NUP93: variants seen among roughly 807,000 people sequenced by gnomAD.
NUP93 encodes nuclear pore complex protein Nup93.
In NUP93, 55 loss-of-function variants were observed where a neutral mutation model predicts 107.8. The ratio of observed to expected loss-of-function variants is 0.51; its 90% CI spans 0.41 to 0.64. The LOEUF (loss-of-function observed/expected upper bound fraction) is 0.64, where lower values mean the gene tolerates loss of function less well. NUP93 is among the 30% of genes least tolerant of loss of function. The pLI, the probability that NUP93 is intolerant of heterozygous loss-of-function variation, is 0.00. For missense variants in NUP93, 937 were observed against 1,044.7 expected (o/e 0.90, Z 1.42); for synonymous variants, 390 against 397.5 (o/e 0.98, Z 0.22).
intron 3 of NUP93, among the ~76,000 whole-genome samples, chr16:56,785,471 C>T (rs948309732): frequency 2.0e-5 from 3 of 152,134 alleles, no homozygotes; most frequent in Non-Finnish European, 4.4e-5. Flanking sequence ...TCAGTTTTCT[C>T]ATGAAATTTT....
chr16:56,792,091 G>A (rs892402752), intron 3 of NUP93, among the ~76,000 whole-genome samples: 1 of 152,178 alleles, frequency 6.6e-6, no homozygotes, highest in Admixed American at 6.5e-5. Context: ...TAGGTGGGAG[G>A]ATCACTTGAG....
Position 56,850,012 on chromosome 16 carries a change from A to G in NUP93, c.*5403A>G, listed in dbSNP as rs735144. 64,097 of 152,116 alleles carry G rather than the reference A, an allele frequency of 0.42. 13,697 individuals carry two copies. The highest frequency in any genetic ancestry group is 0.62 in the East Asian group (3,185 of 5,176). The allele number at this position is 152,116 out of a possible 1,614,324, so 9.4% of individuals were successfully genotyped here. Reference sequence around the variant, plus strand: ...TAGAAAGAAAGGAAAGAGCCAAAGTACAGCCTTTTCTCACTTGATCAGTAA... The same window carrying G: ...TAGAAAGAAAGGAAAGAGCCAAAGTGCAGCCTTTTCTCACTTGATCAGTAA... On this transcript the variant is annotated 3_prime_UTR_variant, in exon 22 of 22. Coordinates refer to ENST00000308159, the MANE Select transcript of NUP93 (RefSeq NM_014669.5).
intron 3 of NUP93, among the ~76,000 whole-genome samples, chr16:56,760,340 C>T (rs907514874): frequency 5.3e-5 from 8 of 152,088 alleles, no homozygotes; most frequent in Admixed American, 1.3e-4. Context: ...CCAGCCTGGA[C>T]GACATAGTGA....
intron 3 of NUP93, among the ~76,000 whole-genome samples, chr16:56,772,960 T>C (rs561585533): frequency 1.3e-5 from 2 of 152,186 alleles, no homozygotes; most frequent in Non-Finnish European, 2.9e-5. Context: ...GAAGGTTAAG[T>C]TGATCACCAG....
At position 56,847,736 on chromosome 16, in the gene NUP93, C is replaced by T. The variant is rs1004187956; in HGVS notation, c.*3127C>T. ...CCACGGCAGATGCCTTCCTTTTTCA[C>T]TCACGAGCTGGGCGGGCTCATCAAA... On this transcript the variant is annotated 3_prime_UTR_variant, in exon 22 of 22. Transcript: ENST00000308159. 6 of 152,178 alleles carry T rather than the reference C, an allele frequency of 3.9e-5. No individual in the cohort carries two copies. The highest frequency in any genetic ancestry group is 4.8e-5 in the African/African-American group (2 of 41,430). 9.4% of individuals were successfully genotyped at this position (152,178 alleles called of 1,614,324 possible). A position where few individuals can be genotyped will look rare whatever the true frequency, so the allele number is the denominator to read the frequency against.
chr16:56,790,479 C>T (rs1962735773), intron 3 of NUP93, among the ~76,000 whole-genome samples: 2 of 152,164 alleles, frequency 1.3e-5, no homozygotes, highest in Non-Finnish European at 2.9e-5. Context: ...GAGTCCACAC[C>T]GTCTGATAAG....
chr16:56,841,962 C>T, intron 21 of NUP93, 129 bp downstream of exon 21: 1 of 1,133,444 alleles, frequency 8.8e-7, no homozygotes. Flanking sequence ...CTGGATAAAT[C>T]TCGTGTTAGG....
chr16:56,754,421 A>T (rs1300858091), intron 2 of NUP93, among the ~76,000 whole-genome samples: 1 of 152,206 alleles, frequency 6.6e-6, no homozygotes, highest in Non-Finnish European at 1.5e-5. Context: ...ATTAACTCAA[A>T]AGTCCAAGTC....
At chr16:56,739,978 C>T (rs199689592) in intron 1 of NUP93, among the ~76,000 whole-genome samples, 1 of 93,692 alleles carries the variant, frequency 1.1e-5, no homozygotes, top group African/African-American at 4.5e-5. Flanking sequence ...CCGGACGGGG[C>T]GGCTGGCCGG....
chr16:56,769,963 C>A (rs1253876641), intron 3 of NUP93, among the ~76,000 whole-genome samples: 1 of 152,160 alleles, frequency 6.6e-6, no homozygotes, highest in Non-Finnish European at 1.5e-5. Flanking sequence ...AGACACAAAG[C>A]CCTCAACTTT....
chr16:56,803,406 A>G (rs1296500459), intron 4 of NUP93, among the ~76,000 whole-genome samples: 6 of 152,142 alleles, frequency 3.9e-5, no homozygotes, highest in Admixed American at 2.6e-4. Context: ...CGGAGTTTGC[A>G]GTGAGCTGAG....
At chr16:56,812,121 C>T (rs926487417) in intron 5 of NUP93, among the ~76,000 whole-genome samples, 1 of 152,140 alleles carries the variant, frequency 6.6e-6, no homozygotes, top group Admixed American at 6.5e-5. Flanking sequence ...AAGACAGCTT[C>T]ACATAATTTT....
intron 18 of NUP93, 40 bp downstream of exon 18, chr16:56,837,766 A>C: frequency 6.6e-7 from 1 of 1,515,898 alleles, no homozygotes; most frequent in Non-Finnish European, 9.1e-7. Flanking sequence ...TGAGGGTGCC[A>C]CTGCCAGTGC....
intron 5 of NUP93, among the ~76,000 whole-genome samples, chr16:56,812,073 G>C (rs1596828271): frequency 1.3e-5 from 2 of 152,136 alleles, no homozygotes; most frequent in East Asian, 3.8e-4. Flanking sequence ...GTACCTTATT[G>C]TCAGGAATAA....
chr16:56,832,264 A>G, intron 11 of NUP93, 31 bp from the exon 12 acceptor site: 3 of 1,571,546 alleles, frequency 1.9e-6, no homozygotes, highest in Non-Finnish European at 2.6e-6. Context: ...TGTCATTTGT[A>G]CCAATGCATG....
intron 1 of NUP93, among the ~76,000 whole-genome samples, chr16:56,739,892 G>A (rs1455272288): frequency 6.6e-4 from 57 of 85,740 alleles, no homozygotes; most frequent in Admixed American, 5.3e-3. Flanking sequence ...CTGGCCAGGC[G>A]GGGGGCTGAC....
In NUP93 at chr16:56,847,093, T is replaced by G. The variant is rs1454421642; in HGVS notation, c.*2484T>G. 1 of 152,224 alleles carries G rather than the reference T, an allele frequency of 6.6e-6. No homozygotes were observed. Among genetic ancestry groups the G allele is most frequent in the African/African-American group, 2.4e-5 (1 of 41,434 alleles). 9.4% of individuals were successfully genotyped at this position (152,224 alleles called of 1,614,324 possible). A position where few individuals can be genotyped will look rare whatever the true frequency, so the allele number is the denominator to read the frequency against. On this transcript the variant is annotated 3_prime_UTR_variant, in exon 22 of 22. Transcript: ENST00000308159. The stretch of plus-strand genomic sequence containing the variant: ...GGTCACTGGTTGGCAGTTAAGGACT[T>G]GCTGAGAGAGACATTTGTAGGAGAA...
chr16:56,774,372 C>T (rs371536523), intron 3 of NUP93, among the ~76,000 whole-genome samples: 7 of 151,962 alleles, frequency 4.6e-5, no homozygotes, highest in East Asian at 3.9e-4. Context: ...TTTCCCAGCT[C>T]CTCTCATTCT....
At chr16:56,826,266 C>T (rs1963655798) in intron 8 of NUP93, among the ~76,000 whole-genome samples, 1 of 152,224 alleles carries the variant, frequency 6.6e-6, no homozygotes, top group African/African-American at 2.4e-5. Context: ...AATCCCAACA[C>T]TTCGGGTGGC....
Sources: gnomAD v4.1 joint callset for allele counts (sites outside exome capture counted in the v4.1 genomes callset) on GRCh38, gnomAD v4.1.1 for gene constraint, MANE v1.5 for transcripts, NCBI Gene and HGNC (gene_info 2026-07-23, HGNC 2026-07-21) for gene names.